The following NBN variants were observed in gnomAD, a reference collection of about 807,000 sequenced individuals.
NBN encodes nibrin.
In NBN, 88 loss-of-function variants were observed where a neutral mutation model predicts 90.8. The observed-to-expected ratio is 0.97, with a 90% CI of 0.82 to 1.16. The LOEUF is 1.16. Ranked by LOEUF, NBN falls within the 50% of genes most tolerant of loss-of-function variation. The pLI, the probability that NBN is intolerant of heterozygous loss-of-function variation, is 0.00. For missense variants in NBN, 894 were observed against 869.6 expected (o/e 1.03, Z -0.35); for synonymous variants, 328 against 295.1 (o/e 1.11, Z -1.14).
chr8:89,943,430 A>G (rs1242396378), intron 13 of NBN, 64 bp from the exon 14 acceptor site: 1 of 1,491,374 alleles, frequency 6.7e-7, no homozygotes, highest in Non-Finnish European at 9.3e-7. Context: ...ATTTTTTTAA[A>G]AAGATTAAAA....
intron 14 of NBN, among the ~76,000 whole-genome samples, chr8:89,938,800 T>C (rs1334143269): frequency 6.6e-6 from 1 of 152,140 alleles, no homozygotes; most frequent in Non-Finnish European, 1.5e-5. Flanking sequence ...CTAATAGGGA[T>C]AGCAAAACAT....
Position 89,981,466 on chromosome 8 carries a change from A to T in NBN, c.229T>A (p.Phe77Ile). ...TLKDNSKYGT[F>I]VNEEKMQNGF... is the part of the protein sequence containing the mutation. Reference sequence around the variant, plus strand: ...TTCTGCATTTTTTCCTCATTAACAAAGGTACCATACTTAGAATTATCTTTT... The same window carrying T: ...TTCTGCATTTTTTCCTCATTAACAATGGTACCATACTTAGAATTATCTTTT... Residue 77 changes from phenylalanine to isoleucine, a missense_variant, in exon 3 of 16, where the codon TTT becomes ATT. Phe to Ile is a conservative substitution (Grantham distance 21). Transcript: ENST00000265433. 6.2e-7 allele frequency: 1 copy of T among 1,613,784 alleles called. No homozygotes were observed. The highest frequency in any genetic ancestry group is 8.5e-7 in the Non-Finnish European group (1 of 1,179,688).
rs1159937538 is a variant in NBN at position 89,953,431 on chromosome 8, A to AT, written c.1657dup (p.Met553AsnfsTer3). On this transcript the variant is annotated frameshift_variant, in exon 11 of 16. Transcript: ENST00000265433. LOFTEE classifies it high-confidence loss of function. ...TTCATCTTCTATGGCCACATCATCCATTTCCCTTTTTTTATTTGATCTTAG... is the reference window on the plus strand; with the variant it reads ...TTCATCTTCTATGGCCACATCATCCATTTTCCCTTTTTTTATTTGATCTTAG... 2 of 1,613,618 alleles carry AT rather than the reference A, an allele frequency of 1.2e-6. No homozygotes were observed. The highest frequency in any genetic ancestry group is 8.5e-7 in the Non-Finnish European group (1 of 1,179,860).
intron 5 of NBN, among the ~76,000 whole-genome samples, chr8:89,971,906 C>G (rs1288657800): frequency 6.6e-6 from 1 of 152,154 alleles, no homozygotes; most frequent in Non-Finnish European, 1.5e-5. Context: ...GGAGAAATAT[C>G]AACAGATAAT....
At chr8:89,965,519 T>TCTTTCACCCAGGCTGG in intron 7 of NBN, among the ~76,000 whole-genome samples, 1 of 151,934 alleles carries the variant, frequency 6.6e-6, no homozygotes, top group East Asian at 1.9e-4. Context: ...GACAGAGACT[T>TCTTTCACCCAGGCTGG]GCTCTTTCAC....
chr8:89,956,197 G>GAAA (rs71560248), intron 9 of NBN, among the ~76,000 whole-genome samples: 2 of 141,136 alleles, frequency 1.4e-5, no homozygotes, highest in African/African-American at 2.5e-5. Flanking sequence ...TTATTTTACA[G>GAAA]AAAAAAAAAA....
chr8:89,970,043 G>A (rs1811430666), intron 7 of NBN, among the ~76,000 whole-genome samples: 1 of 152,052 alleles, frequency 6.6e-6, no homozygotes, highest in African/African-American at 2.4e-5. Context: ...GAGGTCAGGA[G>A]TTCAAGACCA....
intron 12 of NBN, 142 bp from the exon 13 acceptor site, chr8:89,946,437 A>G (rs1263499322): frequency 8.2e-6 from 6 of 728,782 alleles, no homozygotes; most frequent in Admixed American, 2.6e-5. Flanking sequence ...TGAACTTTGT[A>G]TTTGGAATCA....
chr8:89,978,059 CTT>C (rs1811852677), intron 5 of NBN, among the ~76,000 whole-genome samples, 159 bp downstream of exon 5: 1 of 152,166 alleles, frequency 6.6e-6, no homozygotes, highest in African/African-American at 2.4e-5. Context: ...TTGGGGAACT[CTT>C]TCTTTACAAA....
chr8:89,982,797 G>C lies in NBN; in HGVS notation c.96C>G (p.Ala32=). 1 of 1,613,718 alleles carries C rather than the reference G, an allele frequency of 6.2e-7. No homozygotes were observed. Among genetic ancestry groups the C allele is most frequent in the Non-Finnish European group, 8.5e-7 (1 of 1,179,736 alleles). The change falls in exon 2 of 16, where the codon GCC becomes GCG. Residue 32 remains alanine, a synonymous_variant. Transcript: ENST00000265433. ...TCGACTGATCATTTTCAATCAGAAT[G>C]GCACAGTTTTTCCTTCCAACAACGT... ...VEYVVGRKNC[A]ILIENDQSIS...
intron 12 of NBN, chr8:89,946,699 G>A (rs1451084884): frequency 5.6e-6 from 1 of 179,476 alleles, no homozygotes; most frequent in Non-Finnish European, 1.2e-5. Flanking sequence ...CTGTTCTACA[G>A]GTCCTCATCT....
At chr8:89,936,315 T>C (rs1809681594) in intron 15 of NBN, among the ~76,000 whole-genome samples, 1 of 152,062 alleles carries the variant, frequency 6.6e-6, no homozygotes, top group African/African-American at 2.4e-5. Context: ...GACCTCGTAA[T>C]CCGCCCACCT....
chr8:89,984,488 G>A (rs375777147), intron 1 of NBN, 37 bp downstream of exon 1: 21 of 1,594,022 alleles, frequency 1.3e-5, no homozygotes, highest in African/African-American at 8.1e-5. Context: ...AGTCGCTACC[G>A]GGAAAATAGG....
intron 12 of NBN, 109 bp downstream of exon 12, chr8:89,947,715 C>A (rs1810258955): frequency 3.0e-6 from 2 of 662,196 alleles, no homozygotes; most frequent in African/African-American, 3.6e-5. Context: ...ATGAAGTAAG[C>A]CATAATTAGG....
At chr8:89,946,381 G>A (rs1586041140) in intron 12 of NBN, 86 bp from the exon 13 acceptor site, 1 of 1,188,622 alleles carries the variant, frequency 8.4e-7, no homozygotes, top group African/African-American at 1.5e-5. Flanking sequence ...ATAGAAAAAA[G>A]TTCAAATACC....
chr8:89,966,448 TATA>T (rs1811258595), intron 7 of NBN, among the ~76,000 whole-genome samples: 1 of 152,184 alleles, frequency 6.6e-6, no homozygotes, highest in Non-Finnish European at 1.5e-5. Context: ...ATCATTCATT[TATA>T]ATAATATCAG....
intron 5 of NBN, among the ~76,000 whole-genome samples, chr8:89,972,220 T>C (rs1159395705): frequency 6.6e-6 from 1 of 152,260 alleles, no homozygotes; most frequent in Non-Finnish European, 1.5e-5. Context: ...TCCCCTGGAC[T>C]TCTCCTTGGA....
chr8:89,969,518 T>C (rs1156834620), intron 7 of NBN, among the ~76,000 whole-genome samples: 2 of 152,266 alleles, frequency 1.3e-5, no homozygotes, highest in Non-Finnish European at 2.9e-5. Flanking sequence ...TTTACAGAGG[T>C]AAATTCTACA....
chr8:89,981,470 A>C lies in NBN; in HGVS notation c.225T>G (p.Gly75=). Residue 75 remains glycine, a synonymous_variant, in exon 3 of 16, where the codon GGT becomes GGG. Coordinates refer to ENST00000265433, the MANE Select transcript of NBN (RefSeq NM_002485.5). ...GCATTTTTTCCTCATTAACAAAGGT[A>C]CCATACTTAGAATTATCTTTTAATG... ...VLTLKDNSKY[G]TFVNEEKMQN... The C allele has an allele frequency of 6.2e-7, 1 of 1,613,674 alleles. No homozygotes were observed. Among genetic ancestry groups the C allele is most frequent in the Non-Finnish European group, 8.5e-7 (1 of 1,179,610 alleles).
Sources: gnomAD v4.1 joint callset for allele counts (sites outside exome capture counted in the v4.1 genomes callset) on GRCh38, gnomAD v4.1.1 for gene constraint, MANE v1.5 for transcripts, NCBI Gene and HGNC (gene_info 2026-07-23, HGNC 2026-07-21) for gene names.